The following HACD2 variants were observed in gnomAD, a reference collection of about 807,000 sequenced individuals.
HACD2 encodes the protein 3-hydroxyacyl-CoA dehydratase 2.
HACD2 carries 15 observed loss-of-function variants against 31.0 expected under a neutral mutation model. The ratio of observed to expected loss-of-function variants is 0.48; its 90% CI spans 0.32 to 0.75. The LOEUF (loss-of-function observed/expected upper bound fraction) is 0.75. Ranked by LOEUF, HACD2 falls within the 30% of genes least tolerant of loss-of-function variation. The pLI, the probability that HACD2 is intolerant of heterozygous loss-of-function variation, is 0.03. For missense variants in HACD2, 283 were observed against 313.0 expected (o/e 0.90, Z 0.72); for synonymous variants, 115 against 122.2 (o/e 0.94, Z 0.39).
intron 3 of HACD2, among the ~76,000 whole-genome samples, chr3:123,555,030 G>T (rs1324114029): frequency 6.6e-6 from 1 of 152,104 alleles, no homozygotes; most frequent in Non-Finnish European, 1.5e-5. Flanking sequence ...CATTCTAAGT[G>T]CAAGACAGGT....
At chr3:123,529,895 T>C (rs993228194) in intron 3 of HACD2, among the ~76,000 whole-genome samples, 1 of 149,492 alleles carries the variant, frequency 6.7e-6, no homozygotes, top group Non-Finnish European at 1.5e-5. Context: ...CAGTTGTGGA[T>C]TTCCTCTAGA....
chr3:123,546,514 C>A (rs866491761), intron 3 of HACD2, among the ~76,000 whole-genome samples: 1 of 152,196 alleles, frequency 6.6e-6, no homozygotes, highest in Non-Finnish European at 1.5e-5. Flanking sequence ...TTCTGGAAAG[C>A]CTTGCACTTT....
At chr3:123,509,740 C>T (rs375970233) in intron 4 of HACD2, among the ~76,000 whole-genome samples, 95 of 152,168 alleles carry the variant, frequency 6.2e-4, no homozygotes, top group East Asian at 1.8e-3. Context: ...ACCTCGTGAT[C>T]CGCCCGCCTC....
rs1053137959 is a variant in HACD2, at chr3:123,571,886, A to G, written c.274-4106T>C. 5.3e-5 allele frequency among the ~76,000 whole-genome samples: 8 copies of G among 152,092 alleles called. No homozygotes were observed. In the South Asian group the frequency reaches 1.7e-3, roughly 31 times the overall value. On this transcript the variant is annotated intron_variant, in intron 2 of 6. Transcript: ENST00000383657. Reference sequence around the variant, plus strand: ...ATAAGCTTTTTAATTTTTCCTGAAGATTTTTCAGTATTAATATGTACTACA... The same window carrying G: ...ATAAGCTTTTTAATTTTTCCTGAAGGTTTTTCAGTATTAATATGTACTACA...
intron 2 of HACD2, among the ~76,000 whole-genome samples, chr3:123,578,140 T>C (rs1185984248): frequency 6.6e-6 from 1 of 152,260 alleles, no homozygotes; most frequent in African/African-American, 2.4e-5. Context: ...TGACTTTTTG[T>C]ATCTGCCTCC....
chr3:123,537,576 AATACAC>A (rs146527637), intron 3 of HACD2, among the ~76,000 whole-genome samples: 2,965 of 148,852 alleles, frequency 0.02, 76 homozygotes, highest in African/African-American at 0.064. Context: ...AACAACAACA[AATACAC>A]ATACACACAC....
intron 2 of HACD2, among the ~76,000 whole-genome samples, chr3:123,581,649 C>A (rs955125977): frequency 6.6e-6 from 1 of 152,168 alleles, no homozygotes; most frequent in Non-Finnish European, 1.5e-5. Flanking sequence ...ACTACAGAGG[C>A]CAGAAAATTC....
At chr3:123,500,213 C>CT (rs1354042018) in intron 6 of HACD2, among the ~76,000 whole-genome samples, 1 of 152,132 alleles carries the variant, frequency 6.6e-6, no homozygotes, top group African/African-American at 2.4e-5. Context: ...CCTTTAATGG[C>CT]TTTTTTGTTT....
At chr3:123,571,519 C>T (rs1254582393) in intron 2 of HACD2, among the ~76,000 whole-genome samples, 1 of 152,132 alleles carries the variant, frequency 6.6e-6, no homozygotes, top group African/African-American at 2.4e-5. Context: ...AGGGGAGTCA[C>T]GTGCAAGGCC....
intron 3 of HACD2, among the ~76,000 whole-genome samples, chr3:123,534,826 C>G (rs905779787): frequency 1.3e-4 from 3 of 23,676 alleles, no homozygotes; most frequent in African/African-American, 2.8e-4. Context: ...TAGTTTTTAA[C>G]AAAAAAGTTT....
intron 3 of HACD2, among the ~76,000 whole-genome samples, chr3:123,531,775 T>C (rs2056364789): frequency 6.6e-6 from 1 of 152,222 alleles, no homozygotes; most frequent in Non-Finnish European, 1.5e-5. Flanking sequence ...GAATTTTCCT[T>C]CTCTTCTTCA....
At chr3:123,565,679 T>G (rs2056782146) in intron 3 of HACD2, among the ~76,000 whole-genome samples, 1 of 152,114 alleles carries the variant, frequency 6.6e-6, no homozygotes, top group Non-Finnish European at 1.5e-5. Context: ...TCTGAGAGCT[T>G]TATACAGAGA....
chr3:123,566,727 T>C (rs113575466), intron 3 of HACD2, among the ~76,000 whole-genome samples: 3,741 of 152,010 alleles, frequency 0.025, 66 homozygotes, highest in Middle Eastern at 0.089. Context: ...TAAAACCCCA[T>C]CTCTACTAAA....
chr3:123,553,805 A>G (rs1380960486), intron 3 of HACD2, among the ~76,000 whole-genome samples: 3 of 152,088 alleles, frequency 2.0e-5, no homozygotes, highest in Non-Finnish European at 4.4e-5. Flanking sequence ...ATATGGCAAT[A>G]TATTTGTATC....
rs2055812033 is a variant in HACD2, at chr3:123,494,766, T to C, written c.*122A>G. 1 of 725,786 alleles carries C rather than the reference T, an allele frequency of 1.4e-6. No individual in the cohort carries two copies. Among genetic ancestry groups the C allele is most frequent in the Non-Finnish European group, 2.3e-6 (1 of 425,830 alleles). The allele number at this position is 725,786 out of a possible 1,614,324, so 45.0% of individuals were successfully genotyped here. A position where few individuals can be genotyped will look rare whatever the true frequency, so the allele number is the denominator to read the frequency against. On this transcript the variant is annotated 3_prime_UTR_variant, in exon 7 of 7. Coordinates refer to ENST00000383657, the MANE Select transcript of HACD2 (RefSeq NM_198402.5). ...ACACTGGATTTTTGTTTTAGTTTTG[T>C]TTGAATATTTTAAAAATAGTTCTTA...
At chr3:123,568,885 G>A (rs962408101) in intron 2 of HACD2, among the ~76,000 whole-genome samples, 1 of 152,170 alleles carries the variant, frequency 6.6e-6, no homozygotes, top group African/African-American at 2.4e-5. Flanking sequence ...AAGGCTCAGA[G>A]AAGCCACACA....
At chr3:123,536,621 G>A (rs1484031943) in intron 3 of HACD2, among the ~76,000 whole-genome samples, 1 of 152,148 alleles carries the variant, frequency 6.6e-6, no homozygotes, top group Non-Finnish European at 1.5e-5. Context: ...AGAATACACC[G>A]TGTTCCACAT....
rs767420592 is a variant in HACD2, at chr3:123,542,193, T to TA, written c.293-13720_293-13719insT. On this transcript the variant is annotated intron_variant, in intron 3 of 6. Transcript: ENST00000383657. ...AAAAGAATACAAATTGTTTTTATCT[T>TA]TAAAAAAATCAAGATGCTAATAGGC... Among the ~76,000 whole-genome samples, 4 of 147,944 alleles carry TA rather than the reference T, an allele frequency of 2.7e-5. No individual in the cohort carries two copies. In the South Asian group the frequency reaches 6.5e-4, roughly 24 times the overall value.
chr3:123,496,339 T>C (rs996051216), intron 6 of HACD2, among the ~76,000 whole-genome samples: 4 of 152,214 alleles, frequency 2.6e-5, no homozygotes, highest in African/African-American at 7.2e-5. Flanking sequence ...CTCTTTTTTA[T>C]ACTGTCACGA....
Sources: allele counts gnomAD v4.1 joint callset (sites outside exome capture counted in the v4.1 genomes callset), GRCh38; gene constraint gnomAD v4.1.1; transcripts MANE v1.5; gene names NCBI Gene and HGNC (gene_info 2026-07-23, HGNC 2026-07-21).